Variants in MACROD2 observed in about 807,000 individuals in gnomAD.
MACROD2 encodes ADP-ribose glycohydrolase MACROD2.
A neutral mutation model predicts 70.4 loss-of-function variants in MACROD2; 36 were observed. That is an observed-to-expected ratio of 0.51 (90% CI 0.39 to 0.68). MACROD2 has a LOEUF of 0.68. Ranked by LOEUF, MACROD2 falls within the 30% of genes least tolerant of loss-of-function variation. The probability of loss-of-function intolerance (pLI) is 0.00; values close to 1 mark genes in which losing one functional copy is unlikely to be tolerated. For missense variants in MACROD2, 496 were observed against 538.4 expected (o/e 0.92, Z 0.78); for synonymous variants, 172 against 178.8 (o/e 0.96, Z 0.30).
intron 5 of MACROD2, among the ~76,000 whole-genome samples, chr20:14,871,213 A>G (rs947576736): frequency 3.9e-5 from 6 of 152,216 alleles, no homozygotes; most frequent in East Asian, 1.9e-4. Context: ...ACACATAATC[A>G]TCAGCTTCTC....
At chr20:14,704,701 G>T (rs6135233) in intron 5 of MACROD2, among the ~76,000 whole-genome samples, 29 of 152,186 alleles carry the variant, frequency 1.9e-4, no homozygotes, top group African/African-American at 6.5e-4. Context: ...CACAGCCTTC[G>T]AAGTTTCTTC....
chr20:14,726,719 C>T (rs188304253), intron 5 of MACROD2, among the ~76,000 whole-genome samples: 24 of 152,214 alleles, frequency 1.6e-4, no homozygotes, highest in African/African-American at 5.5e-4. Context: ...GTTCAGTTCA[C>T]ATCTCATAAG....
At chr20:15,642,634 ACACACACG>A (rs1387094223) in intron 8 of MACROD2, among the ~76,000 whole-genome samples, 1 of 129,642 alleles carries the variant, frequency 7.7e-6, no homozygotes, top group Non-Finnish European at 1.6e-5. Context: ...ACACACACAC[ACACACACG>A]TGTGCATGCA....
chr20:14,904,564 C>A (rs567695290), intron 5 of MACROD2, among the ~76,000 whole-genome samples: 1 of 152,112 alleles, frequency 6.6e-6, no homozygotes, highest in Non-Finnish European at 1.5e-5. Flanking sequence ...AGGAGTTGAA[C>A]TACAACAGTG....
chr20:14,457,064 C>T (rs1000283115), intron 3 of MACROD2, among the ~76,000 whole-genome samples: 4 of 151,928 alleles, frequency 2.6e-5, no homozygotes, highest in East Asian at 1.9e-4. Flanking sequence ...ATGTGTTACT[C>T]GCAGTATTCT....
At chr20:15,548,926 A>G (rs2048060083) in intron 8 of MACROD2, among the ~76,000 whole-genome samples, 1 of 152,180 alleles carries the variant, frequency 6.6e-6, no homozygotes, top group African/African-American at 2.4e-5. Flanking sequence ...ATCAACTCTC[A>G]GTCCGGGATG....
chr20:15,130,305 G>A (rs571691897), intron 5 of MACROD2, among the ~76,000 whole-genome samples: 3 of 151,842 alleles, frequency 2.0e-5, no homozygotes, highest in East Asian at 3.9e-4. Context: ...ACTCCCGATC[G>A]TCAATGAGAA....
intron 3 of MACROD2, among the ~76,000 whole-genome samples, chr20:14,116,856 C>T (rs2054520354): frequency 6.6e-6 from 1 of 151,994 alleles, no homozygotes; most frequent in African/African-American, 2.4e-5. Context: ...ATCACGAGGT[C>T]AAGAGATCAA....
intron 3 of MACROD2, among the ~76,000 whole-genome samples, chr20:14,403,252 G>C (rs546581178): frequency 6.6e-6 from 1 of 152,160 alleles, no homozygotes; most frequent in East Asian, 1.9e-4. Flanking sequence ...CACTGACATT[G>C]CCATGTCACT....
intron 5 of MACROD2, among the ~76,000 whole-genome samples, chr20:14,699,135 G>A (rs1366284316): frequency 1.3e-5 from 2 of 152,154 alleles, no homozygotes; most frequent in Admixed American, 1.3e-4. Flanking sequence ...GTTCTGACCT[G>A]CCTAATGAAA....
chr20:14,326,605 A>C lies in MACROD2; in HGVS notation c.272-166874A>C, dbSNP rs1054484581. 5 of 1,613,764 alleles carry C rather than the reference A, an allele frequency of 3.1e-6. No homozygotes were observed. In the Admixed American group the frequency reaches 6.7e-5, roughly 22 times the overall value. On this transcript the variant is annotated intron_variant, in intron 3 of 17. Coordinates refer to ENST00000684519, the MANE Select transcript of MACROD2 (RefSeq NM_001351661.2). The surrounding 1 kb of genome is among the most constrained non-coding windows in gnomAD (Gnocchi z 5.5). ...GCAATACCAGGGATTGTTGCGAAGAATCAGTTGTGTTATATTGTCCAAATC... is the reference window on the plus strand; with the variant it reads ...GCAATACCAGGGATTGTTGCGAAGACTCAGTTGTGTTATATTGTCCAAATC...
At chr20:15,602,491 T>C (rs1157098772) in intron 8 of MACROD2, among the ~76,000 whole-genome samples, 1 of 152,244 alleles carries the variant, frequency 6.6e-6, no homozygotes, top group African/African-American at 2.4e-5. Flanking sequence ...TTTCAGAGTC[T>C]GCCTTCTGGA....
chr20:15,461,114 T>C (rs541229493), intron 7 of MACROD2, among the ~76,000 whole-genome samples: 33 of 150,444 alleles, frequency 2.2e-4, no homozygotes, highest in Admixed American at 1.6e-3. Flanking sequence ...CTCAAGTGAG[T>C]CTCCTGCCTC....
intron 3 of MACROD2, among the ~76,000 whole-genome samples, chr20:14,088,327 T>TGA (rs2054106487): frequency 8.5e-6 from 1 of 117,940 alleles, no homozygotes; most frequent in African/African-American, 3.3e-5. Context: ...AGACTCCATC[T>TGA]AAAAAAAAAA....
chr20:14,998,597 G>T (rs2074969355), intron 5 of MACROD2, among the ~76,000 whole-genome samples: 1 of 151,998 alleles, frequency 6.6e-6, no homozygotes, highest in South Asian at 2.1e-4. Context: ...AAGGAAAAAA[G>T]AATAAAAAAG....
At chr20:15,240,635 A>T (rs1029737022) in intron 6 of MACROD2, among the ~76,000 whole-genome samples, 1 of 152,214 alleles carries the variant, frequency 6.6e-6, no homozygotes, top group East Asian at 1.9e-4. Flanking sequence ...TAACTGGGTG[A>T]TGGGCAGGTT....
chr20:14,844,602 T>C (rs2073120591), intron 5 of MACROD2, among the ~76,000 whole-genome samples: 1 of 152,088 alleles, frequency 6.6e-6, no homozygotes. Context: ...TCAACCTAAA[T>C]ACTCCTTCTT....
chr20:15,382,124 G>A (rs771930028), intron 6 of MACROD2, among the ~76,000 whole-genome samples: 39 of 152,184 alleles, frequency 2.6e-4, no homozygotes, highest in Non-Finnish European at 5.0e-4. Flanking sequence ...CCATTTCCTC[G>A]TGTCTGTTAG....
intron 7 of MACROD2, among the ~76,000 whole-genome samples, chr20:15,453,966 T>A (rs2046680190): frequency 6.6e-6 from 1 of 152,144 alleles, no homozygotes; most frequent in Non-Finnish European, 1.5e-5. Flanking sequence ...ATGGGCTTTT[T>A]AACATTGGCC....
Sources: allele counts gnomAD v4.1 joint callset (sites outside exome capture counted in the v4.1 genomes callset), GRCh38; gene constraint gnomAD v4.1.1; non-coding constraint Gnocchi (gnomAD v3.1); transcripts MANE v1.5; gene names NCBI Gene and HGNC (gene_info 2026-07-23, HGNC 2026-07-21).